The following CDH13 variants were observed in gnomAD, a reference collection of about 807,000 sequenced individuals.
CDH13 encodes the protein cadherin 13, also known as cadherin-13.
In CDH13, 24 loss-of-function variants were observed where a neutral mutation model predicts 63.8. The ratio of observed to expected loss-of-function variants is 0.38; its 90% CI spans 0.27 to 0.53. The LOEUF is 0.53. CDH13 is among the 20% of genes least tolerant of loss of function. CDH13 has a pLI of 0.85. For missense variants in CDH13, 1,049 were observed against 903.1 expected (o/e 1.16, Z -2.07); for synonymous variants, 503 against 355.3 (o/e 1.42, Z -4.67).
intron 7 of CDH13, among the ~76,000 whole-genome samples, chr16:83,555,008 A>G (rs949578740): frequency 3.3e-5 from 5 of 151,372 alleles, no homozygotes; most frequent in African/African-American, 1.2e-4. Context: ...ACACAGACAG[A>G]ACCCTGCGGG....
intron 6 of CDH13, among the ~76,000 whole-genome samples, chr16:83,468,257 A>C (rs751894804): frequency 4.3e-4 from 66 of 152,180 alleles, no homozygotes; most frequent in Non-Finnish European, 2.8e-4. Context: ...TGTTCTTAGA[A>C]GAAAGAGGCA....
In CDH13 at chr16:82,653,938, AT is replaced by A. The variant is rs200413249; in HGVS notation, c.45+26802del. Among the ~76,000 whole-genome samples the A allele has an allele frequency of 3.3e-5, 5 of 152,112 alleles. No individual in the cohort carries two copies. In the East Asian group the frequency reaches 9.6e-4, roughly 29 times the overall value. On this transcript the variant is annotated intron_variant, in intron 1 of 13. Transcript: ENST00000567109. Reference sequence around the variant, plus strand: ...GAGATCATGAGATATAGCACAACAGATAAGACTTGCTAATTAACTGTACGGG... The same window carrying A: ...GAGATCATGAGATATAGCACAACAGAAAGACTTGCTAATTAACTGTACGGG...
intron 7 of CDH13, among the ~76,000 whole-genome samples, chr16:83,572,907 G>T (rs1169611681): frequency 6.6e-6 from 1 of 152,170 alleles, no homozygotes; most frequent in East Asian, 1.9e-4. Context: ...GACCAATGAG[G>T]CAAAGAATCC....
intron 3 of CDH13, among the ~76,000 whole-genome samples, chr16:83,070,813 A>G (rs1271008640): frequency 1.3e-5 from 2 of 150,854 alleles, no homozygotes; most frequent in Non-Finnish European, 3.0e-5. Flanking sequence ...AAGCAATAGT[A>G]TATAAATCAG....
intron 8 of CDH13, among the ~76,000 whole-genome samples, chr16:83,669,198 C>T (rs773606658): frequency 6.6e-5 from 10 of 152,146 alleles, no homozygotes; most frequent in Non-Finnish European, 1.2e-4. Flanking sequence ...ATCTCCCATG[C>T]GCTCCAACCT....
intron 2 of CDH13, among the ~76,000 whole-genome samples, chr16:82,866,920 G>A (rs1395112920): frequency 1.3e-5 from 2 of 152,162 alleles, no homozygotes; most frequent in African/African-American, 4.8e-5. Flanking sequence ...TTGACATGTG[G>A]GGATTATGGG....
At chr16:82,674,019 T>C (rs186724426) in intron 1 of CDH13, among the ~76,000 whole-genome samples, 1 of 152,342 alleles carries the variant, frequency 6.6e-6, no homozygotes, top group East Asian at 1.9e-4. Flanking sequence ...ACTCTAGGGC[T>C]CGAAGAAGGG....
At chr16:83,117,840 G>C (rs1306150436) in intron 3 of CDH13, among the ~76,000 whole-genome samples, 3 of 149,906 alleles carry the variant, frequency 2.0e-5, no homozygotes, top group African/African-American at 7.3e-5. Context: ...TCTGATATGT[G>C]TTCTTTGGGG....
intron 4 of CDH13, among the ~76,000 whole-genome samples, chr16:83,209,604 A>T (rs2039281586): frequency 6.6e-6 from 1 of 152,202 alleles, no homozygotes; most frequent in Admixed American, 6.5e-5. Flanking sequence ...ATATAAAAAC[A>T]GGCAAATAAA....
intron 10 of CDH13, among the ~76,000 whole-genome samples, chr16:83,680,283 G>C (rs1316817236): frequency 6.6e-6 from 1 of 152,122 alleles, no homozygotes; most frequent in Admixed American, 6.5e-5. Flanking sequence ...CTGGAGCTGG[G>C]GTCATGCACC....
At chr16:83,665,255 G>T (rs1249989967) in intron 8 of CDH13, among the ~76,000 whole-genome samples, 1 of 152,090 alleles carries the variant, frequency 6.6e-6, no homozygotes, top group African/African-American at 2.4e-5. Context: ...ACTGTGATAA[G>T]AGCAGAAAGA....
At chr16:83,621,689 G>C (rs1909835276) in intron 8 of CDH13, among the ~76,000 whole-genome samples, 2 of 151,686 alleles carry the variant, frequency 1.3e-5, no homozygotes, top group Non-Finnish European at 2.9e-5. Context: ...GTTTCACCAT[G>C]TTGGCCAGGC....
intron 2 of CDH13, among the ~76,000 whole-genome samples, chr16:82,874,710 A>T (rs570940856): frequency 6.6e-6 from 1 of 152,296 alleles, no homozygotes; most frequent in South Asian, 2.1e-4. Context: ...AAACAGTTCA[A>T]AATATGAGTC....
At chr16:83,212,512 G>A (rs1269958199) in intron 4 of CDH13, among the ~76,000 whole-genome samples, 2 of 152,178 alleles carry the variant, frequency 1.3e-5, no homozygotes, top group African/African-American at 4.8e-5. Context: ...GTGACTTTAA[G>A]AAAAACCAAC....
chr16:83,217,376 A>G lies in CDH13; in HGVS notation c.515A>G (p.Lys172Arg), dbSNP rs749236696. The stretch of plus-strand genomic sequence containing the variant: ...GATAGTGACAGGCCAGAAAGGTCCA[A>G]GTTCCGGCTCACTGGAAAGGGAGTG... The part of the protein sequence containing the change: ...VVDSDRPERS[K>R]FRLTGKGVDQ... Residue 172 changes from lysine to arginine, a missense_variant, in exon 5 of 14, where the codon AAG (lysine) becomes AGG (arginine). Coordinates refer to ENST00000567109, the MANE Select transcript of CDH13 (RefSeq NM_001257.5). 1 of 1,613,982 alleles carries G rather than the reference A, an allele frequency of 6.2e-7. No individual in the cohort carries two copies. Among genetic ancestry groups the G allele is most frequent in the Admixed American group, 1.7e-5 (1 of 60,032 alleles).
intron 11 of CDH13, among the ~76,000 whole-genome samples, chr16:83,771,068 G>C (rs1444965928): frequency 2.0e-5 from 3 of 152,166 alleles, no homozygotes; most frequent in African/African-American, 7.2e-5. Flanking sequence ...GAAAAAACTA[G>C]AATGTAGACC....
At chr16:82,758,301 G>A (rs2034697733) in intron 1 of CDH13, among the ~76,000 whole-genome samples, 1 of 152,170 alleles carries the variant, frequency 6.6e-6, no homozygotes, top group South Asian at 2.1e-4. Flanking sequence ...CAGAAAACTT[G>A]CAACAGCTGG....
intron 11 of CDH13, among the ~76,000 whole-genome samples, chr16:83,775,900 A>C (rs1366416953): frequency 1.3e-5 from 2 of 152,026 alleles, no homozygotes; most frequent in Non-Finnish European, 2.9e-5. Flanking sequence ...AAATCTAGAG[A>C]ATACTTAGAA....
At chr16:82,700,838 A>C (rs572923886) in intron 1 of CDH13, among the ~76,000 whole-genome samples, 1 of 151,722 alleles carries the variant, frequency 6.6e-6, no homozygotes, top group East Asian at 2.0e-4. Context: ...TATAGCCGCT[A>C]TCCCAAATGA....
Sources: gnomAD v4.1 joint callset for allele counts (sites outside exome capture counted in the v4.1 genomes callset) on GRCh38, gnomAD v4.1.1 for gene constraint, MANE v1.5 for transcripts, NCBI Gene and HGNC (gene_info 2026-07-23, HGNC 2026-07-21) for gene names.